COL24A1: variants seen among roughly 807,000 people sequenced by gnomAD.
COL24A1 encodes the protein collagen type XXIV alpha 1 chain.
In COL24A1, 224 loss-of-function variants were observed where a neutral mutation model predicts 253.9. The observed-to-expected ratio is 0.88, with a 90% confidence interval of 0.79 to 0.99. The LOEUF (loss-of-function observed/expected upper bound fraction) is 0.99, where lower values mean the gene tolerates loss of function less well. COL24A1 is among the 50% of genes least tolerant of loss of function. The probability of loss-of-function intolerance (pLI) is 0.00; values close to 1 mark genes in which losing one functional copy is unlikely to be tolerated. For missense variants in COL24A1, 2,131 were observed against 2,068.5 expected, an observed-to-expected ratio of 1.03 and a Z score of -0.59; for synonymous variants, 685 against 673.7, an observed-to-expected ratio of 1.02 and a Z score of -0.26.
chr1:86,045,849 G>A (rs756653803), intron 12 of COL24A1: 8 of 438,706 alleles, frequency 1.8e-5, no homozygotes, highest in Admixed American at 7.2e-5. Flanking sequence ...TTGGCCAGAC[G>A]TCATGAAGAA....
At chr1:85,758,556 TTCACCA>T (rs1161593594) in intron 55 of COL24A1, among the ~76,000 whole-genome samples, 5 of 152,258 alleles carry the variant, frequency 3.3e-5, no homozygotes, top group African/African-American at 1.2e-4. Flanking sequence ...CACATTCAAA[TTCACCA>T]TCAATACATA....
chr1:85,965,284 G>A (rs1310389535), intron 22 of COL24A1, among the ~76,000 whole-genome samples: 2 of 152,024 alleles, frequency 1.3e-5, no homozygotes, highest in Non-Finnish European at 2.9e-5. Context: ...ATCGAGGACT[G>A]CACTGAACAT....
chr1:85,756,256 C>T (rs1055811479), intron 55 of COL24A1, among the ~76,000 whole-genome samples: 1 of 151,858 alleles, frequency 6.6e-6, no homozygotes, highest in Non-Finnish European at 1.5e-5. Flanking sequence ...CCCAGCTCTA[C>T]TAAAAATACA....
chr1:85,881,339 G>T (rs1276372464), intron 32 of COL24A1, among the ~76,000 whole-genome samples: 1 of 151,968 alleles, frequency 6.6e-6, no homozygotes, highest in African/African-American at 2.4e-5. Context: ...TAAGGAATTG[G>T]TCTATTTCAT....
chr1:86,102,586 T>C (rs1447758100), intron 5 of COL24A1, among the ~76,000 whole-genome samples: 1 of 152,208 alleles, frequency 6.6e-6, no homozygotes, highest in East Asian at 1.9e-4. Flanking sequence ...GTATCTTTGT[T>C]CTCATTAGTT....
intron 31 of COL24A1, among the ~76,000 whole-genome samples, chr1:85,893,373 C>G (rs545301184): frequency 6.6e-6 from 1 of 151,638 alleles, no homozygotes; most frequent in East Asian, 1.9e-4. Flanking sequence ...TTTAAAAATA[C>G]ATAAAGAAAA....
chr1:85,742,307 T>C (rs780040455), intron 57 of COL24A1, among the ~76,000 whole-genome samples: 1 of 151,934 alleles, frequency 6.6e-6, no homozygotes, highest in Non-Finnish European at 1.5e-5. Context: ...AATTTTTCTG[T>C]ATTTTTAGTA....
chr1:85,897,308 T>C (rs1683842711), intron 28 of COL24A1, among the ~76,000 whole-genome samples: 1 of 151,998 alleles, frequency 6.6e-6, no homozygotes, highest in African/African-American at 2.4e-5. Flanking sequence ...CTGGGCTTTA[T>C]AACTAAGTGA....
chr1:85,913,314 G>T (rs1685551586), intron 24 of COL24A1, among the ~76,000 whole-genome samples: 1 of 152,144 alleles, frequency 6.6e-6, no homozygotes, highest in Non-Finnish European at 1.5e-5. Flanking sequence ...ACTTTGCAGG[G>T]TTGGGGCAAG....
chr1:86,051,187 A>G (rs1700272593), intron 10 of COL24A1, among the ~76,000 whole-genome samples: 1 of 152,136 alleles, frequency 6.6e-6, no homozygotes, highest in African/African-American at 2.4e-5. Context: ...AACAAACATT[A>G]TTTTAGTAGC....
intron 53 of COL24A1, among the ~76,000 whole-genome samples, chr1:85,774,622 T>C (rs923928349): frequency 5.3e-5 from 8 of 152,158 alleles, no homozygotes; most frequent in African/African-American, 1.9e-4. Context: ...GTCCAGGAAT[T>C]TATCCATTTC....
intron 2 of COL24A1, among the ~76,000 whole-genome samples, chr1:86,145,912 C>G (rs1171551045): frequency 6.6e-6 from 1 of 151,976 alleles, no homozygotes; most frequent in Non-Finnish European, 1.5e-5. Flanking sequence ...AGCAATTTCA[C>G]AGACGGAAGA....
chr1:86,156,284 G>T (rs986352622), intron 1 of COL24A1, 57 bp downstream of exon 1: 5 of 1,523,190 alleles, frequency 3.3e-6, no homozygotes, highest in East Asian at 4.7e-5. Flanking sequence ...GCAGAACCAG[G>T]GGGTGGAGAG....
At chr1:85,964,120 A>G (rs1375168497) in intron 23 of COL24A1, among the ~76,000 whole-genome samples, 2 of 152,104 alleles carry the variant, frequency 1.3e-5, no homozygotes, top group African/African-American at 2.4e-5. Flanking sequence ...TGATACATTT[A>G]ATACAAAAAA....
At chr1:86,148,181 T>G (rs1652177933) in intron 1 of COL24A1, among the ~76,000 whole-genome samples, 1 of 150,074 alleles carries the variant, frequency 6.7e-6, no homozygotes, top group Non-Finnish European at 1.5e-5. Context: ...GTTTTGTTTT[T>G]GTTTTTGTTT....
At chr1:85,825,253 T>A (rs1451303653) in intron 43 of COL24A1, among the ~76,000 whole-genome samples, 2 of 152,110 alleles carry the variant, frequency 1.3e-5, no homozygotes, top group Non-Finnish European at 2.9e-5. Context: ...GGACATGAAC[T>A]CATCATTTTT....
chr1:85,975,706 G>A (rs1054089518), intron 20 of COL24A1, among the ~76,000 whole-genome samples: 3 of 152,116 alleles, frequency 2.0e-5, no homozygotes, highest in African/African-American at 7.2e-5. Context: ...CTACAGTAAA[G>A]TACCAGGAAA....
At chr1:86,008,048 C>T (rs1696130621) in intron 19 of COL24A1, among the ~76,000 whole-genome samples, 1 of 151,972 alleles carries the variant, frequency 6.6e-6, no homozygotes, top group African/African-American at 2.4e-5. Flanking sequence ...AGGATCACTA[C>T]AATCAAGTAG....
chr1:85,786,394 G>A lies in COL24A1; in HGVS notation c.4019C>T (p.Ser1340Leu). 1 of 1,613,802 alleles carries A rather than the reference G, an allele frequency of 6.2e-7. No homozygotes were observed. Among genetic ancestry groups the A allele is most frequent in the East Asian group, 2.2e-5 (1 of 44,870 alleles). Reference sequence around the variant, plus strand: ...TCCTGGGCTTCCTGGCAAGCCTGATGAACCCTTTACTCCTGGAGGACCTGG... The same window carrying A: ...TCCTGGGCTTCCTGGCAAGCCTGATAAACCCTTTACTCCTGGAGGACCTGG... Reference protein sequence around the residue: ...GAPGPPGVKGSSGLPGSPGIQ... With the variant: ...GAPGPPGVKGLSGLPGSPGIQ... The change falls in exon 48 of 60, where the codon TCA becomes TTA. Residue 1340 changes from serine to leucine, a missense_variant. By Grantham distance (145) the Ser-to-Leu change is moderately radical. Transcript: ENST00000370571.
Sources: gnomAD v4.1 joint callset for allele counts (sites outside exome capture counted in the v4.1 genomes callset) on GRCh38, gnomAD v4.1.1 for gene constraint, MANE v1.5 for transcripts, NCBI Gene and HGNC (gene_info 2026-07-23, HGNC 2026-07-21) for gene names.